The following POC1B variants were observed in gnomAD, a reference collection of about 807,000 sequenced individuals.
POC1B encodes POC1 centriolar protein B, also known as POC1 centriolar protein homolog B.
POC1B carries 44 observed loss-of-function variants against 60.6 expected under a neutral mutation model. The observed-to-expected ratio is 0.73, with a 90% CI of 0.57 to 0.93. The LOEUF (loss-of-function observed/expected upper bound fraction) is 0.93, where lower values mean the gene tolerates loss of function less well. POC1B is among the 40% of genes least tolerant of loss of function. POC1B has a pLI of 0.00. For synonymous variants in POC1B, 180 were observed against 198.9 expected, an observed-to-expected ratio of 0.90 and a Z score of 0.80; for missense variants, 555 against 572.3, an observed-to-expected ratio of 0.97 and a Z score of 0.31.
chr12:89,499,208 T>A (rs942884603), intron 2 of POC1B, among the ~76,000 whole-genome samples: 13 of 152,120 alleles, frequency 8.5e-5, no homozygotes, highest in Non-Finnish European at 1.6e-4. Flanking sequence ...CTTCTTCTTC[T>A]AAAGTGCAAT....
intron 2 of POC1B, chr12:89,502,514 G>A (rs1592632553): frequency 9.3e-7 from 1 of 1,077,536 alleles, no homozygotes; most frequent in Non-Finnish European, 1.4e-6. Flanking sequence ...GATCTGTCTT[G>A]ATAACGATGA....
chr12:89,469,516 T>C (rs1232830087), intron 7 of POC1B, among the ~76,000 whole-genome samples: 1 of 152,116 alleles, frequency 6.6e-6, no homozygotes, highest in African/African-American at 2.4e-5. Flanking sequence ...CAGGCAACAC[T>C]AGACAAGGGC....
intron 10 of POC1B, among the ~76,000 whole-genome samples, chr12:89,445,002 C>T (rs1881713517): frequency 6.6e-6 from 1 of 152,112 alleles, no homozygotes; most frequent in African/African-American, 2.4e-5. Flanking sequence ...AATTCCCATT[C>T]ACAATTGCTT....
At chr12:89,427,004 C>A (rs535633903) in intron 10 of POC1B, 4 of 152,246 alleles carry the variant, frequency 2.6e-5, no homozygotes, top group African/African-American at 9.6e-5. Flanking sequence ...AGTGCAAACC[C>A]TATCAAAATC....
At chr12:89,458,703 G>A (rs1316774157) in intron 10 of POC1B, among the ~76,000 whole-genome samples, 1 of 152,156 alleles carries the variant, frequency 6.6e-6, no homozygotes, top group Non-Finnish European at 1.5e-5. Context: ...ATGTCATAAT[G>A]TCAGGGTTTT....
chr12:89,450,020 C>T (rs1053682488), intron 10 of POC1B, among the ~76,000 whole-genome samples: 2 of 152,014 alleles, frequency 1.3e-5, no homozygotes, highest in African/African-American at 4.8e-5. Flanking sequence ...AAAAATAAAA[C>T]CTCAAGAAGA....
At chr12:89,412,854 T>C in the POC1B span, among the ~76,000 whole-genome samples, 159 of 130,072 alleles carry the variant, frequency 1.2e-3, no homozygotes, top group South Asian at 0.011. Flanking sequence ...TTCCTTTCCT[T>C]CCTCCCTCCC....
chr12:89,439,332 C>T (rs368455726), intron 10 of POC1B, among the ~76,000 whole-genome samples: 2 of 152,306 alleles, frequency 1.3e-5, no homozygotes, highest in South Asian at 4.1e-4. Flanking sequence ...CAAGCTCCCC[C>T]ACAGACACAG....
At chr12:89,408,831 T>G in the POC1B span, among the ~76,000 whole-genome samples, 2 of 152,200 alleles carry the variant, frequency 1.3e-5, no homozygotes, top group African/African-American at 2.4e-5. Context: ...TGGTGTGAGA[T>G]GGTATCTTAT....
chr12:89,489,518 T>A (rs1431979173), intron 4 of POC1B, among the ~76,000 whole-genome samples: 5 of 152,174 alleles, frequency 3.3e-5, no homozygotes, highest in Admixed American at 6.5e-5. Context: ...CTTCTGCCTA[T>A]CTTCTTATAT....
chr12:89,523,983 G>A (rs968998218), intron 2 of POC1B: 29 of 1,613,804 alleles, frequency 1.8e-5, no homozygotes, highest in Middle Eastern at 1.6e-4. Context: ...GATTGCTGAT[G>A]TAAGTTTCAA....
intron 2 of POC1B, among the ~76,000 whole-genome samples, chr12:89,506,578 C>T (rs530690857): frequency 1.2e-4 from 19 of 152,272 alleles, no homozygotes; most frequent in Non-Finnish European, 2.1e-4. Context: ...AAGGAGCATT[C>T]CAAGAGGGTG....
chr12:89,470,471 T>C lies in POC1B; in HGVS notation c.700A>G (p.Ile234Val). Reference protein sequence around the residue: ...YQVHSGGVNCISFHPSGNYLI... With the variant: ...YQVHSGGVNCVSFHPSGNYLI... ...TAGTTACCCGAAGGATGGAATGATA[T>C]GCAATTAACTCCACCGCTGTGAACT... Residue 234 changes from isoleucine to valine, a missense_variant, in exon 7 of 12, where the codon ATA becomes GTA. Coordinates refer to ENST00000313546, the MANE Select transcript of POC1B (RefSeq NM_172240.3). 2 of 1,606,800 alleles carry C rather than the reference T, an allele frequency of 1.2e-6. No individual in the cohort carries two copies. The highest frequency in any genetic ancestry group is 1.1e-5 in the South Asian group (1 of 90,410).
intron 2 of POC1B, among the ~76,000 whole-genome samples, chr12:89,509,856 GT>G (rs906096367): frequency 2.6e-5 from 4 of 152,030 alleles, no homozygotes; most frequent in Non-Finnish European, 5.9e-5. Flanking sequence ...TTCAATTTTG[GT>G]TTTTTTGCGA....
rs1880685678 is a variant in POC1B at position 89,424,735 on chromosome 12, T to G, written c.1332+426A>C. 2.0e-5 allele frequency among the ~76,000 whole-genome samples: 3 copies of G among 152,176 alleles called. No homozygotes were observed. In the South Asian group the frequency reaches 6.2e-4, roughly 32 times the overall value. On this transcript the variant is annotated intron_variant, in intron 11 of 11. Coordinates refer to ENST00000313546, the MANE Select transcript of POC1B (RefSeq NM_172240.3). ...ACTGGCCTCAAAAAAGTGGATAATATTCTAACATGGGAATGCAAAACCATC... is the reference window on the plus strand; with the variant it reads ...ACTGGCCTCAAAAAAGTGGATAATAGTCTAACATGGGAATGCAAAACCATC...
chr12:89,425,506 A>C, intron 10 of POC1B, 127 bp from the exon 11 acceptor site: 1 of 616,374 alleles, frequency 1.6e-6, no homozygotes, highest in Non-Finnish European at 2.7e-6. Context: ...CCCAACTATA[A>C]TAAGTTATGG....
At chr12:89,500,067 C>G in intron 2 of POC1B, 1 of 1,292,130 alleles carries the variant, frequency 7.7e-7, no homozygotes, top group Admixed American at 2.0e-5. Context: ...CCTCAGACAC[C>G]TGCGCTGGCT....
the POC1B span, among the ~76,000 whole-genome samples, chr12:89,409,146 T>C: frequency 3.9e-5 from 6 of 152,212 alleles, no homozygotes; most frequent in African/African-American, 1.4e-4. Context: ...TTGTCACATT[T>C]TGACTTTTGT....
intron 4 of POC1B, among the ~76,000 whole-genome samples, chr12:89,486,800 ACT>A (rs1193233040): frequency 6.6e-6 from 1 of 152,082 alleles, no homozygotes; most frequent in Non-Finnish European, 1.5e-5. Context: ...ACTTTTCAAA[ACT>A]CTGCTCCAGT....
Sources: gnomAD v4.1 joint callset for allele counts (sites outside exome capture counted in the v4.1 genomes callset) on GRCh38, gnomAD v4.1.1 for gene constraint, MANE v1.5 for transcripts, NCBI Gene and HGNC (gene_info 2026-07-23, HGNC 2026-07-21) for gene names.